Variants in TIAM1 observed in about 807,000 individuals in gnomAD.
TIAM1 encodes TIAM Rac1 associated GEF 1.
Under a neutral mutation model 163.5 loss-of-function variants are expected in TIAM1, and 65 were observed. That is an observed-to-expected ratio of 0.40 (90% CI 0.33 to 0.49). The LOEUF is 0.49. Ranked by LOEUF, TIAM1 falls within the 20% of genes least tolerant of loss-of-function variation. The pLI, the probability that TIAM1 is intolerant of heterozygous loss-of-function variation, is 0.77. For missense variants in TIAM1, 1,789 were observed against 2,044.7 expected (o/e 0.87, Z 2.41); for synonymous variants, 833 against 810.1 (o/e 1.03, Z -0.48).
chr21:31,283,373 A>G (rs1223828768), intron 2 of TIAM1, among the ~76,000 whole-genome samples: 1 of 152,058 alleles, frequency 6.6e-6, no homozygotes, highest in Non-Finnish European at 1.5e-5. Context: ...AAATCTCCCA[A>G]ATATTCATAC....
rs185729376 is a variant in TIAM1, at chr21:31,486,228, G to T, written c.-421-22193C>A. Among the ~76,000 whole-genome samples the T allele has an allele frequency of 9.2e-5, 14 of 152,334 alleles. No homozygotes were observed. The East Asian group carries it at 2.7e-3, about 29-fold the overall frequency. On this transcript the variant is annotated intron_variant, in intron 1 of 28. Coordinates refer to the TIAM1 transcript ENST00000286827. ...AGTCCCAGCCATCCAGCACTGGAAC[G>T]CAGGACACTTTCCACTCTGGATCAT...
At chr21:31,193,109 G>T (rs531816329) in intron 13 of TIAM1, among the ~76,000 whole-genome samples, 1 of 152,302 alleles carries the variant, frequency 6.6e-6, no homozygotes, top group South Asian at 2.1e-4. Context: ...GCTAAGTAAA[G>T]AAGACTGGTC....
chr21:31,289,124 A>T (rs574179579), intron 2 of TIAM1, among the ~76,000 whole-genome samples: 25 of 152,370 alleles, frequency 1.6e-4, no homozygotes, highest in African/African-American at 5.8e-4. Context: ...CAATCATTTA[A>T]CTTTTCTGTG....
At chr21:31,451,149 G>A (rs1406871476) in intron 2 of TIAM1, among the ~76,000 whole-genome samples, 2 of 151,782 alleles carry the variant, frequency 1.3e-5, no homozygotes, top group Admixed American at 6.6e-5. Context: ...GCGTCATCCC[G>A]TGGAGCAATA....
intron 2 of TIAM1, among the ~76,000 whole-genome samples, chr21:31,326,476 C>T (rs1037368053): frequency 7.9e-5 from 12 of 152,182 alleles, no homozygotes; most frequent in African/African-American, 2.4e-4. Flanking sequence ...AACAGCTTTA[C>T]CAGTTAACAA....
chr21:31,482,643 G>A (rs184220905), intron 1 of TIAM1, among the ~76,000 whole-genome samples: 273 of 152,282 alleles, frequency 1.8e-3, no homozygotes, highest in African/African-American at 6.1e-3. Context: ...CGCAGAGTGG[G>A]AGCCCAGAAG....
In TIAM1 at chr21:31,225,782, C is replaced by T; in HGVS notation, c.1753G>A (p.Glu585Lys). The T allele has an allele frequency of 2.5e-6, 4 of 1,613,950 alleles. No homozygotes were observed. The highest frequency in any genetic ancestry group is 3.4e-6 in the Non-Finnish European group (4 of 1,180,020). Residue 585 changes from glutamate to lysine, a missense_variant, in exon 7 of 28, where the codon GAA becomes AAA. Physicochemically the swap from Glu to Lys is moderately conservative, Grantham distance 56. This residue lies in a region of TIAM1 where 456 missense variants were observed against 586.6 expected (regional missense o/e 0.78). Coordinates refer to ENST00000541036, the MANE Select transcript of TIAM1 (RefSeq NM_001353694.2). ...DMDEKMKKMG[E>K]MQLSSVTDSK... ...TCAGTGACTGAAGACAGCTGCATTT[C>T]ACCCATTTTCTTCATCTTTTCATCC... is the stretch of plus-strand genomic sequence containing the variant.
chr21:31,362,332 G>A (rs2076420275), intron 2 of TIAM1, among the ~76,000 whole-genome samples: 1 of 151,972 alleles, frequency 6.6e-6, no homozygotes, highest in Non-Finnish European at 1.5e-5. Flanking sequence ...AAGTAAGTGA[G>A]AAGGGAAGAG....
At chr21:31,487,798 C>T (rs1272861972) in intron 1 of TIAM1, among the ~76,000 whole-genome samples, 1 of 151,388 alleles carries the variant, frequency 6.6e-6, no homozygotes, top group Non-Finnish European at 1.5e-5. Flanking sequence ...ACCTCATGAT[C>T]CACCCGCCTC....
At chr21:31,367,404 CA>C (rs2076521620) in intron 2 of TIAM1, among the ~76,000 whole-genome samples, 1 of 152,194 alleles carries the variant, frequency 6.6e-6, no homozygotes, top group African/African-American at 2.4e-5. Context: ...CCCAGACCAA[CA>C]GGCCGAAATA....
At chr21:31,424,720 G>A (rs772462996) in intron 2 of TIAM1, among the ~76,000 whole-genome samples, 2 of 152,168 alleles carry the variant, frequency 1.3e-5, no homozygotes, top group African/African-American at 4.8e-5. Flanking sequence ...AGACTGCACA[G>A]GAATGTAAAT....
chr21:31,355,704 A>G (rs2076306324), intron 2 of TIAM1, among the ~76,000 whole-genome samples: 1 of 152,104 alleles, frequency 6.6e-6, no homozygotes, highest in East Asian at 1.9e-4. Flanking sequence ...GGCGCGTGCC[A>G]CCACACTGGG....
intron 13 of TIAM1, among the ~76,000 whole-genome samples, chr21:31,193,875 G>C (rs116221962): frequency 6.6e-6 from 1 of 152,172 alleles, no homozygotes; most frequent in East Asian, 1.9e-4. Context: ...TGTCAGCCAT[G>C]CGTACAGTAA....
intron 2 of TIAM1, among the ~76,000 whole-genome samples, chr21:31,355,620 C>T (rs1236165216): frequency 2.6e-5 from 4 of 151,764 alleles, no homozygotes; most frequent in African/African-American, 4.8e-5. Flanking sequence ...GATGTGATCT[C>T]GGCTCACTGC....
rs143877415 is a variant in TIAM1 at position 31,438,266 on chromosome 21, A to T, written c.-369+25717T>A. On this transcript the variant is annotated intron_variant, in intron 2 of 28. Transcript: ENST00000286827. ...GAGTGCAGTGGCATGATCTGGGCCC[A>T]CCACAACCTCCACCTCCCAGGTTCA... 2.8e-3 allele frequency among the ~76,000 whole-genome samples: 359 copies of T among 126,446 alleles called. 2 individuals carry two copies. The highest frequency in any genetic ancestry group is 0.011 in the African/African-American group (346 of 32,626). 83.0% of individuals were successfully genotyped at this position (126,446 alleles called of 152,430 possible).
At chr21:31,348,520 C>A (rs994612953), upstream of TIAM1, among the ~76,000 whole-genome samples, 2 of 152,198 alleles carry the variant, frequency 1.3e-5, no homozygotes, top group Admixed American at 1.3e-4. Flanking sequence ...AATATGCATC[C>A]TGTTAATGGA....
chr21:31,390,446 T>C (rs1391307309), intron 2 of TIAM1, among the ~76,000 whole-genome samples: 1 of 152,208 alleles, frequency 6.6e-6, no homozygotes, highest in Non-Finnish European at 1.5e-5. Context: ...TGGCTTTGCC[T>C]TTTCCTATGT....
chr21:31,124,676 C>A lies in TIAM1; in HGVS notation c.4152G>T (p.Lys1384Asn), dbSNP rs749610010. Residue 1384 changes from lysine to asparagine, a missense_variant, in exon 27 of 28, where the codon AAG becomes AAT. Around this residue, in one of 5 missense-constraint regions of TIAM1, gnomAD observed 415 missense variants for 439.2 expected, o/e 0.94. Transcript: ENST00000541036. ...HLCCSSPESR[K>N]DFLKAVHSIL... ...TTGAATGCACAGCCTTTAGGAAATC[C>A]TTTCGGCTCTCTGGGGAGCTAGGAA... The A allele has an allele frequency of 7.6e-6, 12 of 1,588,940 alleles. No individual in the cohort carries two copies. In the Admixed American group the frequency reaches 1.9e-4, roughly 26 times the overall value.
intron 2 of TIAM1, among the ~76,000 whole-genome samples, chr21:31,351,404 T>C (rs2076232195): frequency 6.6e-6 from 1 of 152,214 alleles, no homozygotes; most frequent in African/African-American, 2.4e-5. Context: ...ATGCAGTGTA[T>C]GCACATATAA....
Sources: gnomAD v4.1 joint callset for allele counts (sites outside exome capture counted in the v4.1 genomes callset) on GRCh38, gnomAD v4.1.1 for gene constraint, gnomAD v4.1.1 regional missense constraint, MANE v1.5 for transcripts, NCBI Gene and HGNC (gene_info 2026-07-23, HGNC 2026-07-21) for gene names.